GLIS3: variants seen among roughly 807,000 people sequenced by gnomAD.
GLIS3 encodes the protein GLIS family zinc finger 3.
Under a neutral mutation model 78.6 loss-of-function variants are expected in GLIS3, and 53 were observed. The observed-to-expected ratio is 0.67, with a 90% CI of 0.54 to 0.85. GLIS3 has a LOEUF of 0.85. Among genes scored for constraint, GLIS3 ranks in the 40% least tolerant of loss-of-function variants. The probability of loss-of-function intolerance (pLI) is 0.00; values close to 1 mark genes in which losing one functional copy is unlikely to be tolerated. For missense variants in GLIS3, 1,703 were observed against 1,231.1 expected, an observed-to-expected ratio of 1.38 and a Z score of -5.74; for synonymous variants, 684 against 509.9, an observed-to-expected ratio of 1.34 and a Z score of -4.60.
At chr9:4,073,272 G>A (rs1294231830) in intron 4 of GLIS3, among the ~76,000 whole-genome samples, 2 of 152,152 alleles carry the variant, frequency 1.3e-5, no homozygotes, top group Non-Finnish European at 2.9e-5. Context: ...TCTGAACACA[G>A]GATGCTCCAA....
At chr9:4,460,117 T>C in the GLIS3 span, among the ~76,000 whole-genome samples, 1 of 151,934 alleles carries the variant, frequency 6.6e-6, no homozygotes, top group African/African-American at 2.4e-5. Flanking sequence ...ATTATGGCCA[T>C]GAGGAAAGGC....
chr9:4,171,459 C>G (rs1340653591), intron 2 of GLIS3, among the ~76,000 whole-genome samples: 1 of 151,880 alleles, frequency 6.6e-6, no homozygotes, highest in South Asian at 2.1e-4. Flanking sequence ...TTTTTAGTGT[C>G]GAAAGAAAGA....
the GLIS3 span, among the ~76,000 whole-genome samples, chr9:4,385,737 A>AAAAG: frequency 2.9e-3 from 158 of 54,526 alleles, 9 homozygotes; most frequent in African/African-American, 6.4e-3. Context: ...GAAAGAAAGA[A>AAAAG]AAAGAAAGAA....
At chr9:4,119,987 A>T (rs1832056082) in intron 3 of GLIS3, among the ~76,000 whole-genome samples, 1 of 152,258 alleles carries the variant, frequency 6.6e-6, no homozygotes, top group Non-Finnish European at 1.5e-5. Context: ...CTTGACTCAG[A>T]CATGGTGTGT....
At chr9:4,241,697 G>A (rs1823330474) in intron 2 of GLIS3, among the ~76,000 whole-genome samples, 1 of 151,350 alleles carries the variant, frequency 6.6e-6, no homozygotes, top group Admixed American at 6.6e-5. Context: ...TTTTTTTTGA[G>A]ATACAGTCTT....
chr9:4,461,918 G>A, the GLIS3 span, among the ~76,000 whole-genome samples: 2 of 152,174 alleles, frequency 1.3e-5, no homozygotes, highest in African/African-American at 4.8e-5. Flanking sequence ...CTGAGAATGA[G>A]AAAGGGCTTT....
chr9:4,477,528 C>A, the GLIS3 span, among the ~76,000 whole-genome samples: 6 of 152,102 alleles, frequency 3.9e-5, no homozygotes, highest in Non-Finnish European at 7.4e-5. Context: ...GATCCTCCCC[C>A]CTCGGTCTCT....
chr9:4,191,574 T>G (rs1818335148), intron 2 of GLIS3, among the ~76,000 whole-genome samples: 1 of 152,232 alleles, frequency 6.6e-6, no homozygotes, highest in Admixed American at 6.5e-5. Flanking sequence ...GTCTTATTCT[T>G]CCTCTTCAAA....
chr9:4,276,335 A>C (rs1826981033), intron 2 of GLIS3, among the ~76,000 whole-genome samples: 1 of 62,248 alleles, frequency 1.6e-5, no homozygotes, highest in South Asian at 5.6e-4. Flanking sequence ...AGGGGAGGAG[A>C]GGGAAGGAGA....
At position 4,170,594 on chromosome 9, in the gene GLIS3, G is replaced by C. The variant is rs546513140; in HGVS notation, c.389-44653C>G. On this transcript the variant is annotated intron_variant, in intron 2 of 10. Transcript: ENST00000381971. ...CCCAACACAACATGCCAAAGATCAA[G>C]CATGTGTTCAGTCAACAAACACACT... is the stretch of plus-strand genomic sequence containing the variant. 4.6e-5 allele frequency among the ~76,000 whole-genome samples: 7 copies of C among 152,248 alleles called. No homozygotes were observed. The South Asian group carries it at 1.5e-3, about 32-fold the overall frequency.
At position 3,831,167 on chromosome 9, in the gene GLIS3, GGAA is replaced by G. The variant is rs548436070; in HGVS notation, c.2474-1678_2474-1676del. 1.8e-3 allele frequency among the ~76,000 whole-genome samples: 271 copies of G among 148,448 alleles called. 2 individuals carry two copies. The highest frequency in any genetic ancestry group is 6.3e-3 in the African/African-American group (258 of 40,810). ...CAAAAGAAAAATCCACATACGGTTT[GGAA>G]GAAGATTAAATGCTTGTTATTAGTA... is the stretch of plus-strand genomic sequence containing the variant. On this transcript the variant is annotated intron_variant, in intron 9 of 10. Coordinates refer to ENST00000381971, the MANE Select transcript of GLIS3 (RefSeq NM_001042413.2).
intron 4 of GLIS3, among the ~76,000 whole-genome samples, chr9:4,023,854 C>A (rs1008111843): frequency 6.6e-6 from 1 of 152,146 alleles, no homozygotes. Flanking sequence ...AGTACAGAAA[C>A]TGAGTGTTTA....
the GLIS3 span, among the ~76,000 whole-genome samples, chr9:4,458,406 T>G: frequency 2.0e-5 from 3 of 152,126 alleles, no homozygotes; most frequent in African/African-American, 7.2e-5. Flanking sequence ...TAGTGGTAAT[T>G]GCTATGGAAA....
the GLIS3 span, among the ~76,000 whole-genome samples, chr9:4,390,572 C>A: frequency 1.3e-5 from 2 of 152,130 alleles, no homozygotes; most frequent in African/African-American, 4.8e-5. Context: ...GGTTTATACG[C>A]TTATACCCAT....
intron 2 of GLIS3, among the ~76,000 whole-genome samples, chr9:4,126,495 C>A (rs1315460002): frequency 6.6e-6 from 1 of 152,006 alleles, no homozygotes; most frequent in Non-Finnish European, 1.5e-5. Context: ...TTTAAAATAT[C>A]AGGATGAGAG....
intron 4 of GLIS3, among the ~76,000 whole-genome samples, chr9:3,947,023 C>T (rs528122793): frequency 5.5e-5 from 8 of 145,224 alleles, no homozygotes; most frequent in Admixed American, 2.0e-4. Context: ...CACGACGCCA[C>T]GCCTCTGTCG....
At chr9:4,367,612 C>A in the GLIS3 span, among the ~76,000 whole-genome samples, 6 of 114,918 alleles carry the variant, frequency 5.2e-5, no homozygotes, top group Non-Finnish European at 8.1e-5. Flanking sequence ...CCAGCCCGGG[C>A]AACAGAGCGA....
At chr9:3,917,711 G>C (rs1824614843) in intron 6 of GLIS3, among the ~76,000 whole-genome samples, 1 of 151,556 alleles carries the variant, frequency 6.6e-6, no homozygotes, top group Non-Finnish European at 1.5e-5. Flanking sequence ...ACCTCACCCA[G>C]GTCCAAGTAT....
chr9:4,424,246 T>C, the GLIS3 span, among the ~76,000 whole-genome samples: 33 of 152,338 alleles, frequency 2.2e-4, no homozygotes, highest in African/African-American at 7.7e-4. Flanking sequence ...GCTCTGCCCC[T>C]GATTTTCTTC....
Sources: gnomAD v4.1 joint callset for allele counts (sites outside exome capture counted in the v4.1 genomes callset) on GRCh38, gnomAD v4.1.1 for gene constraint, MANE v1.5 for transcripts, NCBI Gene and HGNC (gene_info 2026-07-23, HGNC 2026-07-21) for gene names.